The following CDC42BPA variants were observed in gnomAD, a reference collection of about 807,000 sequenced individuals.
CDC42BPA encodes CDC42 binding protein kinase alpha.
Under a neutral mutation model 223.5 loss-of-function variants are expected in CDC42BPA, and 80 were observed. That is an observed-to-expected ratio of 0.36 (90% CI 0.30 to 0.43). CDC42BPA has a LOEUF of 0.43. CDC42BPA is among the 20% of genes least tolerant of loss of function. The pLI is 1.00. For synonymous variants in CDC42BPA, 694 were observed against 718.6 expected (o/e 0.97, Z 0.55); for missense variants, 1,743 against 2,099.9 (o/e 0.83, Z 3.32).
At chr1:227,027,348 G>T (rs754949791) in intron 30 of CDC42BPA, among the ~76,000 whole-genome samples, 14 of 152,058 alleles carry the variant, frequency 9.2e-5, no homozygotes, top group Non-Finnish European at 1.6e-4. Flanking sequence ...TTCTCGCACT[G>T]AACCTTTAAA....
chr1:227,215,989 C>T (rs557818704), intron 2 of CDC42BPA, among the ~76,000 whole-genome samples: 24 of 152,188 alleles, frequency 1.6e-4, no homozygotes, highest in African/African-American at 4.6e-4. Context: ...AATATGGTAT[C>T]TCACAGTATG....
intron 29 of CDC42BPA, among the ~76,000 whole-genome samples, chr1:227,029,869 T>G (rs1668937364): frequency 6.6e-6 from 1 of 152,176 alleles, no homozygotes. Flanking sequence ...GCGCAGTGGC[T>G]CATGCTTATA....
intron 16 of CDC42BPA, among the ~76,000 whole-genome samples, chr1:227,088,523 T>G (rs1682426008): frequency 6.6e-6 from 1 of 152,218 alleles, no homozygotes. Flanking sequence ...ACCTGTTTTG[T>G]GGTGATCACA....
intron 1 of CDC42BPA, among the ~76,000 whole-genome samples, chr1:227,286,846 A>G (rs140362472): frequency 2.0e-5 from 3 of 152,316 alleles, no homozygotes; most frequent in East Asian, 1.9e-4. Flanking sequence ...TGCAAAAGTA[A>G]TTGCGGTTTT....
At chr1:227,132,625 C>G (rs1425733703) in intron 10 of CDC42BPA, among the ~76,000 whole-genome samples, 2 of 149,710 alleles carry the variant, frequency 1.3e-5, no homozygotes, top group African/African-American at 5.0e-5. Context: ...CTCTGCCTGG[C>G]TGCCCAGTCT....
At chr1:227,061,283 C>T (rs1397654317) in intron 21 of CDC42BPA, among the ~76,000 whole-genome samples, 1 of 152,184 alleles carries the variant, frequency 6.6e-6, no homozygotes, top group Non-Finnish European at 1.5e-5. Context: ...TAGCTATCAT[C>T]TATCTCCCTT....
At chr1:227,020,353 C>A (rs1013086912) in intron 32 of CDC42BPA, among the ~76,000 whole-genome samples, 1 of 152,224 alleles carries the variant, frequency 6.6e-6, no homozygotes, top group East Asian at 1.9e-4. Context: ...TCCTAGATGA[C>A]ATCTTCTTCC....
chr1:227,160,339 T>C (rs1663651052), intron 6 of CDC42BPA, among the ~76,000 whole-genome samples: 1 of 152,204 alleles, frequency 6.6e-6, no homozygotes. Flanking sequence ...ATCACTGATA[T>C]AAGCAGCTGA....
At chr1:227,178,062 T>A (rs892390980) in intron 5 of CDC42BPA, among the ~76,000 whole-genome samples, 1 of 152,232 alleles carries the variant, frequency 6.6e-6, no homozygotes, top group African/African-American at 2.4e-5. Context: ...AAATGTGTTT[T>A]TCTTGAGTTC....
At chr1:227,010,991 A>T in intron 34 of CDC42BPA, 1 of 1,362,456 alleles carries the variant, frequency 7.3e-7, no homozygotes, top group Non-Finnish European at 9.8e-7. Context: ...GTCATGTGAT[A>T]GATGTGTTCA....
At chr1:227,237,045 C>CAAAAAA (rs11447987) in intron 2 of CDC42BPA, among the ~76,000 whole-genome samples, 64 of 84,286 alleles carry the variant, frequency 7.6e-4, no homozygotes, top group South Asian at 1.1e-3. Flanking sequence ...CCGGTCTCCA[C>CAAAAAA]AAAAAAAAAA....
At chr1:227,207,033 A>G (rs913211978) in intron 3 of CDC42BPA, among the ~76,000 whole-genome samples, 10 of 148,718 alleles carry the variant, frequency 6.7e-5, no homozygotes, top group Non-Finnish European at 1.3e-4. Context: ...TGCACCCATT[A>G]ACTCGTCATT....
intron 1 of CDC42BPA, among the ~76,000 whole-genome samples, chr1:227,296,861 C>T (rs1160351690): frequency 6.7e-6 from 1 of 148,456 alleles, no homozygotes; most frequent in Non-Finnish European, 1.5e-5. Flanking sequence ...ACTTGTATAT[C>T]ATTAATGCAC....
At chr1:227,016,019 C>A (rs891428735) in intron 34 of CDC42BPA, 61 bp downstream of exon 34, 2 of 822,750 alleles carry the variant, frequency 2.4e-6, no homozygotes, top group Non-Finnish European at 4.2e-6. Flanking sequence ...GTATTTAAGC[C>A]TATGTATTTA....
chr1:227,055,762 C>G (rs1240967347), intron 21 of CDC42BPA, among the ~76,000 whole-genome samples: 2 of 151,878 alleles, frequency 1.3e-5, no homozygotes, highest in African/African-American at 2.4e-5. Flanking sequence ...TAAGAAATAT[C>G]TTTAAGTAAA....
chr1:227,185,369 AT>A (rs1324505274), intron 5 of CDC42BPA, among the ~76,000 whole-genome samples: 1 of 152,184 alleles, frequency 6.6e-6, no homozygotes, highest in Admixed American at 6.5e-5. Flanking sequence ...TAACATGGCG[AT>A]TCCCACCGTT....
intron 31 of CDC42BPA, among the ~76,000 whole-genome samples, chr1:227,025,746 A>G (rs1668139403): frequency 6.6e-6 from 1 of 152,166 alleles, no homozygotes; most frequent in African/African-American, 2.4e-5. Context: ...ACTCTCTCAG[A>G]GCTCCTTAAT....
chr1:227,182,970 A>T (rs1668190610), intron 5 of CDC42BPA: 1 of 152,202 alleles, frequency 6.6e-6, no homozygotes. Context: ...TCAGGACTTC[A>T]GCCACAGACT....
intron 35 of CDC42BPA, among the ~76,000 whole-genome samples, chr1:226,999,707 C>A (rs1260196946): frequency 3.3e-5 from 5 of 152,072 alleles, no homozygotes; most frequent in Non-Finnish European, 7.4e-5. Context: ...CCCAAATACC[C>A]ATCAATGATA....
Sources: allele counts gnomAD v4.1 joint callset (sites outside exome capture counted in the v4.1 genomes callset), GRCh38; gene constraint gnomAD v4.1.1; transcripts MANE v1.5; gene names NCBI Gene and HGNC (gene_info 2026-07-23, HGNC 2026-07-21).